SCRN1: variants seen among roughly 807,000 people sequenced by gnomAD.
SCRN1 encodes the protein secernin 1.
A neutral mutation model predicts 43.3 loss-of-function variants in SCRN1; 19 were observed. The observed-to-expected ratio is 0.44, with a 90% confidence interval of 0.31 to 0.64. The LOEUF (loss-of-function observed/expected upper bound fraction) is 0.64. Ranked by LOEUF, SCRN1 falls within the 30% of genes least tolerant of loss-of-function variation. The pLI is 0.09. For missense variants in SCRN1, 447 were observed against 524.1 expected, an observed-to-expected ratio of 0.85 and a Z score of 1.44; for synonymous variants, 183 against 188.9, an observed-to-expected ratio of 0.97 and a Z score of 0.26.
intron 1 of SCRN1, among the ~76,000 whole-genome samples, chr7:29,973,920 G>T (rs1157548756): frequency 6.6e-6 from 1 of 152,110 alleles, no homozygotes; most frequent in African/African-American, 2.4e-5. Flanking sequence ...CATCTATCGG[G>T]TAGAATACTA....
chr7:29,935,284 G>A (rs1369953421), intron 6 of SCRN1, among the ~76,000 whole-genome samples: 3 of 152,202 alleles, frequency 2.0e-5, no homozygotes, highest in Middle Eastern at 3.2e-3. Flanking sequence ...GGTCACAAGA[G>A]GTGCTTCACT....
At chr7:29,980,443 C>A (rs111857793) in intron 1 of SCRN1, among the ~76,000 whole-genome samples, 2,916 of 152,284 alleles carry the variant, frequency 0.019, 40 homozygotes, top group East Asian at 0.041. Flanking sequence ...CTGTCTTCCT[C>A]TCCCATCAAA....
rs745865313 is a variant in SCRN1, at chr7:29,924,019, G to A, written c.1183C>T (p.Pro395Ser). The A allele has an allele frequency of 1.2e-6, 2 of 1,614,140 alleles. No homozygotes were observed. Among genetic ancestry groups the A allele is most frequent in the Non-Finnish European group, 1.7e-6 (2 of 1,180,020 alleles). The change falls in exon 8 of 8, where the codon CCT (proline) becomes TCT (serine). Residue 395 changes from proline (P) to serine (S), a missense_variant. By Grantham distance (74) the Pro-to-Ser change is moderately conservative. Coordinates refer to ENST00000242059, the MANE Select transcript of SCRN1 (RefSeq NM_014766.5). ...EILTSSEPLD[P>S]AEVGDLFYDC... The stretch of plus-strand genomic sequence containing the variant: ...TAGAAAAGGTCCCCCACTTCCGCAG[G>A]GTCCAGTGGCTCGGAGCTGGTCAGG...
chr7:29,983,308 G>C (rs566445238), intron 1 of SCRN1, among the ~76,000 whole-genome samples: 15 of 136,410 alleles, frequency 1.1e-4, no homozygotes, highest in Admixed American at 5.9e-4. Context: ...GTGGTGGGGT[G>C]GGGGGAGGGG....
intron 7 of SCRN1, among the ~76,000 whole-genome samples, 174 bp from the exon 8 acceptor site, chr7:29,924,289 T>C (rs1283708630): frequency 6.6e-6 from 1 of 152,176 alleles, no homozygotes; most frequent in African/African-American, 2.4e-5. Flanking sequence ...TATGATTATG[T>C]CACTGCCCGG....
At chr7:29,951,736 A>G (rs1204571098) in intron 3 of SCRN1, among the ~76,000 whole-genome samples, 1 of 152,250 alleles carries the variant, frequency 6.6e-6, no homozygotes, top group Non-Finnish European at 1.5e-5. Flanking sequence ...ACGCATTATA[A>G]AAACAATATT....
intron 5 of SCRN1, among the ~76,000 whole-genome samples, chr7:29,938,541 T>C (rs532049672): frequency 1.3e-5 from 2 of 152,356 alleles, no homozygotes; most frequent in African/African-American, 4.8e-5. Context: ...GTTGTGGGGT[T>C]AACGGAATCA....
chr7:29,932,108 G>T (rs1313758172), intron 6 of SCRN1, among the ~76,000 whole-genome samples: 1 of 152,140 alleles, frequency 6.6e-6, no homozygotes, highest in Non-Finnish European at 1.5e-5. Flanking sequence ...CCTTAAGGAT[G>T]GCGGCTCTGG....
chr7:29,989,074 A>G (rs567395118), intron 1 of SCRN1: 24 of 151,974 alleles, frequency 1.6e-4, no homozygotes, highest in Middle Eastern at 3.4e-3. Context: ...CGGAGAACCC[A>G]GGGGCGGCCC....
intron 6 of SCRN1, among the ~76,000 whole-genome samples, chr7:29,932,509 G>A (rs537003167): frequency 1.6e-3 from 241 of 151,658 alleles, no homozygotes; most frequent in African/African-American, 5.2e-3. Flanking sequence ...AAAATTAGCC[G>A]GGTGTGGTGG....
chr7:29,989,523 C>T (rs1174311649), intron 1 of SCRN1, 119 bp downstream of exon 1: 16 of 982,442 alleles, frequency 1.6e-5, no homozygotes, highest in Non-Finnish European at 1.9e-5. Context: ...GGTAACGCTA[C>T]CCGCGGGTTC....
intron 2 of SCRN1, among the ~76,000 whole-genome samples, chr7:29,957,892 A>C (rs1788187125): frequency 1.3e-5 from 2 of 152,210 alleles, no homozygotes; most frequent in Admixed American, 6.5e-5. Context: ...TGATGTCATT[A>C]AGGCACAGAA....
chr7:29,963,624 C>A (rs985833765), intron 2 of SCRN1, among the ~76,000 whole-genome samples: 3 of 140,282 alleles, frequency 2.1e-5, no homozygotes, highest in African/African-American at 8.1e-5. Flanking sequence ...ACCCTATGAC[C>A]CAATGATGCT....
rs770707971 is a variant in SCRN1 at position 29,950,329 on chromosome 7, A to G, written c.341+4850T>C. ...CCCCTGCCGCCTCGGGCTTCTCCAG[A>G]CTTTGGGCATCAATGAGCACAGGAG... is the stretch of plus-strand genomic sequence containing the variant. On this transcript the variant is annotated intron_variant, in intron 3 of 7. Transcript: ENST00000242059. This position sits in a 1 kb window ranked among gnomAD's most constrained non-coding sequence, Gnocchi z 4.5. Among the ~76,000 whole-genome samples, 3 of 152,104 alleles carry G rather than the reference A, an allele frequency of 2.0e-5. No individual in the cohort carries two copies. Among genetic ancestry groups the G allele is most frequent in the Non-Finnish European group, 4.4e-5 (3 of 68,010 alleles).
At chr7:29,930,353 T>C (rs538395591) in intron 6 of SCRN1, among the ~76,000 whole-genome samples, 2 of 152,348 alleles carry the variant, frequency 1.3e-5, no homozygotes, top group African/African-American at 4.8e-5. Context: ...AACTCAGTGG[T>C]TCCCAAACAT....
At chr7:29,983,880 A>C (rs184292342) in intron 1 of SCRN1, among the ~76,000 whole-genome samples, 200 of 152,314 alleles carry the variant, frequency 1.3e-3, no homozygotes, top group Non-Finnish European at 2.5e-3. Flanking sequence ...AGAATAACTG[A>C]CTATAACAGG....
intron 1 of SCRN1, among the ~76,000 whole-genome samples, chr7:29,985,542 T>C (rs1232457783): frequency 1.3e-5 from 2 of 152,122 alleles, no homozygotes; most frequent in Non-Finnish European, 1.5e-5. Flanking sequence ...GCCCTCTCAC[T>C]GTACTGGGGT....
At chr7:29,937,411 C>T (rs1459262821) in intron 5 of SCRN1, among the ~76,000 whole-genome samples, 1 of 152,146 alleles carries the variant, frequency 6.6e-6, no homozygotes, top group Non-Finnish European at 1.5e-5. Flanking sequence ...CTGGACTGGC[C>T]GTATATACCT....
At position 29,926,552 on chromosome 7, in the gene SCRN1, T is replaced by C. The variant is rs775724218; in HGVS notation, c.986A>G (p.Asp329Gly). The change falls in exon 7 of 8, where the codon GAC becomes GGC. Residue 329 changes from aspartate to glycine, a missense_variant. Coordinates refer to ENST00000242059, the MANE Select transcript of SCRN1 (RefSeq NM_014766.5). The stretch of plus-strand genomic sequence containing the variant: ...GAACCGAGGCTCCTTTTTGGCAGGG[T>C]CGTCATCCCCAAAACAGGGAGACTG... Reference protein sequence around the residue: ...KTQSPCFGDDDPAKKEPRFQE... With the variant: ...KTQSPCFGDDGPAKKEPRFQE... 6 of 1,613,958 alleles carry C rather than the reference T, an allele frequency of 3.7e-6. No individual in the cohort carries two copies. The East Asian group carries it at 1.3e-4, about 36-fold the overall frequency.
Sources: gnomAD v4.1 joint callset for allele counts (sites outside exome capture counted in the v4.1 genomes callset) on GRCh38, gnomAD v4.1.1 for gene constraint, Gnocchi (gnomAD v3.1) non-coding constraint, MANE v1.5 for transcripts, NCBI Gene and HGNC (gene_info 2026-07-23, HGNC 2026-07-21) for gene names.